Variants in ACAD11 observed in about 807,000 individuals in gnomAD.
ACAD11 encodes the protein acyl-Coenzyme A dehydrogenase family, member 11.
Under a neutral mutation model 102.2 loss-of-function variants are expected in ACAD11, and 83 were observed. The observed-to-expected ratio is 0.81, with a 90% CI of 0.68 to 0.97. The LOEUF (loss-of-function observed/expected upper bound fraction) is 0.97, where lower values mean the gene tolerates loss of function less well. ACAD11 is among the 50% of genes least tolerant of loss of function. The pLI is 0.00. For missense variants in ACAD11, 901 were observed against 951.7 expected, an observed-to-expected ratio of 0.95 and a Z score of 0.70; for synonymous variants, 324 against 319.8, an observed-to-expected ratio of 1.01 and a Z score of -0.14.
intron 13 of ACAD11, among the ~76,000 whole-genome samples, chr3:132,592,114 A>G (rs1363297317): frequency 6.6e-6 from 1 of 152,156 alleles, no homozygotes; most frequent in Non-Finnish European, 1.5e-5. Flanking sequence ...GGGTGAATAC[A>G]TAGTTTGTAG....
At chr3:132,641,566 A>T (rs200144343) in intron 4 of ACAD11, among the ~76,000 whole-genome samples, 1,103 of 90,688 alleles carry the variant, frequency 0.012, 31 homozygotes, top group African/African-American at 0.041. Context: ...ATGATGAAGA[A>T]GAAGAAGAAG....
At chr3:132,613,573 T>G (rs1939263151) in intron 11 of ACAD11, among the ~76,000 whole-genome samples, 1 of 152,010 alleles carries the variant, frequency 6.6e-6, no homozygotes, top group Non-Finnish European at 1.5e-5. Context: ...AAATTGTCAC[T>G]GTTTGCAGAT....
At chr3:132,602,296 A>G (rs1460045506) in intron 13 of ACAD11, 1 of 166,980 alleles carries the variant, frequency 6.0e-6, no homozygotes, top group South Asian at 2.1e-4. Context: ...TTTCTTACTA[A>G]TAACTGGTTA....
chr3:132,633,448 T>C (rs1940134458), intron 5 of ACAD11, among the ~76,000 whole-genome samples: 2 of 152,178 alleles, frequency 1.3e-5, no homozygotes, highest in African/African-American at 4.8e-5. Flanking sequence ...TGGATAAGCT[T>C]TTTGATGTGC....
In ACAD11 at chr3:132,578,846, T is replaced by G. The variant is rs749809244; in HGVS notation, c.1724A>C (p.Asn575Thr). ...KQHSMILVPM[N>T]TPGVKIIRPL... ...CCTTATTATTTTTACTCCAGGTGTG[T>G]TCATGGGAACAAGAATCATGCTGTG... is the stretch of plus-strand genomic sequence containing the variant. Residue 575 changes from asparagine (N) to threonine (T), a missense_variant, in exon 15 of 20, where the codon AAC becomes ACC. Asn to Thr is a moderately conservative substitution (Grantham distance 65). Coordinates refer to ENST00000264990, the MANE Select transcript of ACAD11 (RefSeq NM_032169.5). The G allele has an allele frequency of 8.1e-6, 13 of 1,613,212 alleles. No homozygotes were observed. The highest frequency in any genetic ancestry group is 1.1e-5 in the Non-Finnish European group (13 of 1,179,492).
intron 11 of ACAD11, among the ~76,000 whole-genome samples, chr3:132,605,907 C>G (rs932934676): frequency 7.9e-5 from 12 of 152,154 alleles, no homozygotes; most frequent in Non-Finnish European, 1.8e-4. Context: ...AATCCCTGCC[C>G]TGGAAAGAAA....
intron 1 of ACAD11, chr3:132,646,628 A>G (rs1940728292): frequency 6.6e-6 from 1 of 152,240 alleles, no homozygotes; most frequent in Non-Finnish European, 1.5e-5. Flanking sequence ...AATTAACACA[A>G]AAACTTGTAC....
chr3:132,615,668 G>C (rs531165297), intron 11 of ACAD11, among the ~76,000 whole-genome samples: 17 of 152,268 alleles, frequency 1.1e-4, no homozygotes, highest in Admixed American at 4.6e-4. Context: ...ACATATCAGC[G>C]CCTGTCGCAA....
chr3:132,652,138 G>A (rs1365800884), intron 1 of ACAD11, among the ~76,000 whole-genome samples: 4 of 152,180 alleles, frequency 2.6e-5, no homozygotes, highest in Non-Finnish European at 5.9e-5. Flanking sequence ...TATCATGGGT[G>A]AGACCTGGTA....
chr3:132,562,573 T>A (rs1213423840), intron 17 of ACAD11, among the ~76,000 whole-genome samples: 1 of 152,172 alleles, frequency 6.6e-6, no homozygotes, highest in Non-Finnish European at 1.5e-5. Context: ...TGTATGAGAG[T>A]TCCAGTTGCT....
intron 13 of ACAD11, among the ~76,000 whole-genome samples, chr3:132,583,876 A>T (rs1480544236): frequency 1.3e-5 from 2 of 152,050 alleles, no homozygotes; most frequent in Non-Finnish European, 2.9e-5. Flanking sequence ...GGTTTTCTTA[A>T]TCCTGAGTTC....
intron 4 of ACAD11, among the ~76,000 whole-genome samples, chr3:132,641,405 G>A (rs186616184): frequency 4.6e-5 from 7 of 152,134 alleles, no homozygotes; most frequent in East Asian, 1.9e-4. Context: ...TTAGCAGGGC[G>A]TGATGGCGGG....
At position 132,585,068 on chromosome 3, in the gene ACAD11, G is replaced by A. The variant is rs1937746411; in HGVS notation, c.1622-5510C>T. ...CCTAAGCCAAAAGAACAAAGCTGTA[G>A]GCATCACGCTACCTGACTTCAAACT... On this transcript the variant is annotated intron_variant, in intron 13 of 19. Transcript: ENST00000264990. Among the ~76,000 whole-genome samples, 4 of 152,276 alleles carry A rather than the reference G, an allele frequency of 2.6e-5. No homozygotes were observed. In the South Asian group the frequency reaches 6.2e-4, roughly 24 times the overall value.
chr3:132,648,435 C>A (rs1940798557), intron 1 of ACAD11: 1 of 151,958 alleles, frequency 6.6e-6, no homozygotes, highest in Admixed American at 6.6e-5. Flanking sequence ...TTATTTATAT[C>A]ACGGTTAACA....
intron 11 of ACAD11, among the ~76,000 whole-genome samples, chr3:132,616,395 T>G (rs1356645426): frequency 2.6e-5 from 4 of 152,202 alleles, no homozygotes; most frequent in Admixed American, 6.5e-5. Flanking sequence ...GGTAGGATTA[T>G]TTTTCATATT....
At chr3:132,630,102 A>G (rs2107864086) in intron 7 of ACAD11, among the ~76,000 whole-genome samples, 1 of 152,266 alleles carries the variant, frequency 6.6e-6, no homozygotes, top group Non-Finnish European at 1.5e-5. Context: ...TCTGAGGCAG[A>G]GATCATCAAA....
At chr3:132,630,701 C>A in intron 6 of ACAD11, 143 bp from the exon 7 acceptor site, 1 of 682,062 alleles carries the variant, frequency 1.5e-6, no homozygotes, top group Non-Finnish European at 2.3e-6. Flanking sequence ...ATCTTGATTT[C>A]CAAAAGATTA....
At chr3:132,603,703 T>A (rs576729880) in intron 12 of ACAD11, among the ~76,000 whole-genome samples, 6 of 152,214 alleles carry the variant, frequency 3.9e-5, no homozygotes, top group Non-Finnish European at 8.8e-5. Flanking sequence ...ATTCCCCCCA[T>A]ATAGTTTACT....
chr3:132,626,973 T>G (rs532146323), intron 8 of ACAD11, 156 bp from the exon 9 acceptor site: 35 of 635,964 alleles, frequency 5.5e-5, no homozygotes, highest in Non-Finnish European at 8.4e-5. Context: ...TTCCATATTA[T>G]GGACTGAATG....
Sources: gnomAD v4.1 joint callset for allele counts (sites outside exome capture counted in the v4.1 genomes callset) on GRCh38, gnomAD v4.1.1 for gene constraint, MANE v1.5 for transcripts, NCBI Gene and HGNC (gene_info 2026-07-23, HGNC 2026-07-21) for gene names.